The following FBXL17 variants were observed in gnomAD, a reference collection of about 807,000 sequenced individuals.
FBXL17 encodes the protein F-box and leucine rich repeat protein 17, also known as F-box/LRR-repeat protein 17.
In FBXL17, 22 loss-of-function variants were observed where a neutral mutation model predicts 66.2. That is an observed-to-expected ratio of 0.33 (90% CI 0.24 to 0.47). The LOEUF is 0.47. Ranked by LOEUF, FBXL17 falls within the 20% of genes least tolerant of loss-of-function variation. The probability of loss-of-function intolerance (pLI) is 1.00; values close to 1 mark genes in which losing one functional copy is unlikely to be tolerated. For missense variants in FBXL17, 878 were observed against 948.2 expected, an observed-to-expected ratio of 0.93 and a Z score of 0.97; for synonymous variants, 474 against 400.5, an observed-to-expected ratio of 1.18 and a Z score of -2.19.
chr5:107,931,923 G>A (rs1156704600), intron 7 of FBXL17, among the ~76,000 whole-genome samples: 2 of 152,232 alleles, frequency 1.3e-5, no homozygotes, highest in African/African-American at 2.4e-5. Context: ...ATAAGCCTCA[G>A]AATCACTAGC....
At chr5:108,238,897 T>G (rs1367554549) in intron 4 of FBXL17, among the ~76,000 whole-genome samples, 1 of 152,178 alleles carries the variant, frequency 6.6e-6, no homozygotes, top group African/African-American at 2.4e-5. Context: ...TACAGTAAAT[T>G]AGTACAAAAT....
chr5:107,989,906 T>A (rs541211164), intron 7 of FBXL17, among the ~76,000 whole-genome samples: 98 of 152,270 alleles, frequency 6.4e-4, no homozygotes, highest in African/African-American at 2.2e-3. Context: ...GAACTGTTCC[T>A]GGACTTCTAC....
At chr5:108,026,558 T>G (rs986355419) in intron 6 of FBXL17, among the ~76,000 whole-genome samples, 7 of 152,220 alleles carry the variant, frequency 4.6e-5, no homozygotes, top group Non-Finnish European at 8.8e-5. Context: ...TGACTTGCAA[T>G]TAACATGCGA....
chr5:108,048,473 A>G (rs956537385), intron 6 of FBXL17, among the ~76,000 whole-genome samples: 1 of 152,204 alleles, frequency 6.6e-6, no homozygotes, highest in African/African-American at 2.4e-5. Context: ...AACTGACAAA[A>G]GTAGGCTTCA....
At chr5:108,154,188 T>A (rs1268152179) in intron 6 of FBXL17, among the ~76,000 whole-genome samples, 1 of 134,694 alleles carries the variant, frequency 7.4e-6, no homozygotes, top group Non-Finnish European at 1.5e-5. Flanking sequence ...AATGGGAGAA[T>A]GAGAGAGAGA....
At chr5:108,097,725 G>A (rs1391842394) in intron 6 of FBXL17, among the ~76,000 whole-genome samples, 1 of 151,196 alleles carries the variant, frequency 6.6e-6, no homozygotes, top group African/African-American at 2.4e-5. Context: ...GGAGGCGGAA[G>A]CTGCAGTGAG....
chr5:108,238,624 C>T (rs932166216), intron 4 of FBXL17, among the ~76,000 whole-genome samples: 9 of 152,274 alleles, frequency 5.9e-5, no homozygotes, highest in Middle Eastern at 3.4e-3. Context: ...AATCCTCCCA[C>T]CTCACCCTTT....
Position 108,169,105 on chromosome 5 carries a change from C to A in FBXL17, c.1745+17012G>T, listed in dbSNP as rs912410426. 2.6e-5 allele frequency among the ~76,000 whole-genome samples: 4 copies of A among 152,120 alleles called. No homozygotes were observed. The South Asian group carries it at 6.2e-4, about 24-fold the overall frequency. On this transcript the variant is annotated intron_variant, in intron 6 of 8. Transcript: ENST00000542267. The stretch of plus-strand genomic sequence containing the variant: ...AGGGCCTGCTTGGTAATACTTTACA[C>A]TTCTCCCCCTCTAACAAGCTTCACT...
intron 4 of FBXL17, among the ~76,000 whole-genome samples, chr5:108,339,728 A>C: frequency 6.6e-6 from 1 of 152,292 alleles, no homozygotes; most frequent in African/African-American, 2.4e-5. Context: ...TATATTTTTA[A>C]AGAATACTTA....
chr5:108,350,283 C>T (rs187618126), intron 3 of FBXL17, among the ~76,000 whole-genome samples: 3 of 152,246 alleles, frequency 2.0e-5, no homozygotes, highest in East Asian at 1.9e-4. Flanking sequence ...TGACCTTGCC[C>T]TTTTTCCTAC....
chr5:108,131,747 G>A (rs1325484936), intron 6 of FBXL17, among the ~76,000 whole-genome samples: 1 of 151,948 alleles, frequency 6.6e-6, no homozygotes, highest in African/African-American at 2.4e-5. Context: ...TATGGCTACA[G>A]TAATTATGGT....
intron 6 of FBXL17, among the ~76,000 whole-genome samples, chr5:108,096,222 C>A (rs1478166261): frequency 1.3e-5 from 2 of 152,194 alleles, no homozygotes; most frequent in East Asian, 3.9e-4. Flanking sequence ...AGAGTCCACA[C>A]ACGGAGCATT....
At chr5:107,895,155 C>T (rs1399823380) in intron 7 of FBXL17, among the ~76,000 whole-genome samples, 1 of 151,928 alleles carries the variant, frequency 6.6e-6, no homozygotes, top group Non-Finnish European at 1.5e-5. Context: ...TTTTTAAGTT[C>T]TTGAGATCTT....
intron 7 of FBXL17, among the ~76,000 whole-genome samples, chr5:107,953,586 T>A (rs1751571546): frequency 6.6e-6 from 1 of 152,126 alleles, no homozygotes; most frequent in African/African-American, 2.4e-5. Flanking sequence ...TTCTCTTGTA[T>A]ATCTGCCTTC....
intron 3 of FBXL17, among the ~76,000 whole-genome samples, chr5:108,360,661 G>A (rs940003114): frequency 3.3e-5 from 5 of 152,036 alleles, no homozygotes; most frequent in Admixed American, 1.3e-4. Flanking sequence ...CATTATTTCT[G>A]CAAATATTCT....
intron 4 of FBXL17, among the ~76,000 whole-genome samples, chr5:108,273,269 G>T (rs1241011595): frequency 6.6e-6 from 1 of 151,924 alleles, no homozygotes; most frequent in African/African-American, 2.4e-5. Context: ...CAGCACACCA[G>T]CATGGCACAT....
At chr5:108,224,952 T>G (rs1195966029) in intron 4 of FBXL17, among the ~76,000 whole-genome samples, 1 of 152,126 alleles carries the variant, frequency 6.6e-6, no homozygotes, top group Non-Finnish European at 1.5e-5. Flanking sequence ...TATTGACATT[T>G]AATTCACATA....
At position 107,981,473 on chromosome 5, in the gene FBXL17, G is replaced by T. The variant is rs562796129; in HGVS notation, c.1822+39452C>A. 3.5e-4 allele frequency among the ~76,000 whole-genome samples: 54 copies of T among 152,258 alleles called. No individual in the cohort carries two copies. In the South Asian group the frequency reaches 8.3e-3, roughly 23 times the overall value. On this transcript the variant is annotated intron_variant, in intron 7 of 8. Transcript: ENST00000542267. ...TTTGCTAGGGGAGTAGCCCCTTATTGGAGCAGAACGGAAAGAGCAGAGGTG... is the reference window on the plus strand; with the variant it reads ...TTTGCTAGGGGAGTAGCCCCTTATTTGAGCAGAACGGAAAGAGCAGAGGTG...
intron 7 of FBXL17, among the ~76,000 whole-genome samples, chr5:107,988,771 T>C (rs781364002): frequency 2.0e-5 from 3 of 152,034 alleles, no homozygotes; most frequent in Admixed American, 6.6e-5. Context: ...AATAAGAGCA[T>C]GATGATCTGA....
Sources: allele counts gnomAD v4.1 joint callset (sites outside exome capture counted in the v4.1 genomes callset), GRCh38; gene constraint gnomAD v4.1.1; transcripts MANE v1.5; gene names NCBI Gene and HGNC (gene_info 2026-07-23, HGNC 2026-07-21).